Variants in PWWP3A observed in about 807,000 individuals in gnomAD.
PWWP3A encodes PWWP domain-containing DNA repair factor 3A.
PWWP3A carries 53 observed loss-of-function variants against 79.0 expected under a neutral mutation model. That is an observed-to-expected ratio of 0.67 (90% CI 0.54 to 0.84). PWWP3A has a LOEUF of 0.84. Ranked by LOEUF, PWWP3A falls within the 40% of genes least tolerant of loss-of-function variation. The probability of loss-of-function intolerance (pLI) is 0.00; values close to 1 mark genes in which losing one functional copy is unlikely to be tolerated. For synonymous variants in PWWP3A, 443 were observed against 394.4 expected (o/e 1.12, Z -1.46); for missense variants, 973 against 948.0 (o/e 1.03, Z -0.35).
rs8100078 is a variant in PWWP3A, at chr19:1,368,976, G to A, written c.1423-289G>A. 3,036 of 330,868 alleles carry A rather than the reference G, an allele frequency of 9.2e-3. 117 individuals are homozygous for A. The highest frequency in any genetic ancestry group is 0.064 in the African/African-American group (2,733 of 42,894). 20.5% of individuals were successfully genotyped at this position (330,868 alleles called of 1,614,324 possible). A position where few individuals can be genotyped will look rare whatever the true frequency, so the allele number is the denominator to read the frequency against. On this transcript the variant is annotated intron_variant, in intron 9 of 13. Coordinates refer to ENST00000591337, the MANE Select transcript of PWWP3A (RefSeq NM_001369789.1). This position sits in a 1 kb window ranked among gnomAD's most constrained non-coding sequence, Gnocchi z 4.7. The stretch of plus-strand genomic sequence containing the variant: ...TGCGTTCAGATCAGCCCAAGCCATC[G>A]GGTCCCCGGTGCCCACCTGCGTTCA...
intron 4 of PWWP3A, 147 bp from the exon 5 acceptor site, chr19:1,359,989 T>C: frequency 2.7e-6 from 2 of 742,326 alleles, no homozygotes; most frequent in Admixed American, 7.4e-5. Context: ...TGGGAAAATG[T>C]AGGTGAGAAA....
Position 1,356,512 on chromosome 19 carries a change from T to G in PWWP3A, c.57+63T>G, listed in dbSNP as rs1467608491. The G allele has an allele frequency of 5.6e-5, 85 of 1,511,536 alleles. 1 individual carries two copies. Among genetic ancestry groups the G allele is most frequent in the Non-Finnish European group, 7.3e-5 (80 of 1,088,612 alleles). The allele number at this position is 1,511,536 out of a possible 1,614,324, so 93.6% of individuals were successfully genotyped here. ...TGACTTTCGGGTGACAAGTAAAATC[T>G]TGATCAGGAGATACCTAGGATTTGC... On this transcript the variant is annotated intron_variant, in intron 2 of 13. Coordinates refer to ENST00000591337, the MANE Select transcript of PWWP3A (RefSeq NM_001369789.1).
chr19:1,361,163 C>CAG, intron 5 of PWWP3A, 131 bp downstream of exon 5: 3 of 836,518 alleles, frequency 3.6e-6, no homozygotes, highest in Non-Finnish European at 4.9e-6. Context: ...AGACTTAGAG[C>CAG]AGAGACTTCC....
At chr19:1,364,177 T>C (rs761329596) in intron 6 of PWWP3A, 16 of 550,480 alleles carry the variant, frequency 2.9e-5, no homozygotes, top group Non-Finnish European at 3.6e-5. Context: ...GGTTTAGAGT[T>C]AGGAAAGTCG....
At chr19:1,358,310 CTTTT>C in intron 3 of PWWP3A, 80 bp from the exon 4 acceptor site, 10 of 1,274,236 alleles carry the variant, frequency 7.8e-6, no homozygotes, top group Non-Finnish European at 1.1e-5. Context: ...GAAAATAATT[CTTTT>C]GTTATCTAAA....
intron 13 of PWWP3A, among the ~76,000 whole-genome samples, chr19:1,375,269 CCTT>C (rs996392499): frequency 6.7e-6 from 1 of 150,168 alleles, no homozygotes; most frequent in African/African-American, 2.4e-5. Flanking sequence ...ACCATCCTAA[CCTT>C]CTTAAGTGTA....
intron 8 of PWWP3A, among the ~76,000 whole-genome samples, chr19:1,366,708 G>T (rs1019851081): frequency 6.6e-6 from 1 of 152,240 alleles, no homozygotes; most frequent in African/African-American, 2.4e-5. Context: ...GTCCACGCAG[G>T]TGTGCAGACA....
intron 8 of PWWP3A, 50 bp downstream of exon 8, chr19:1,366,431 GC>G (rs751555831): frequency 3.7e-5 from 56 of 1,526,786 alleles, no homozygotes; most frequent in Middle Eastern, 1.7e-4. Flanking sequence ...GGCCAGGCCG[GC>G]CGCTCTCAGA....
rs1271688707 is a variant in PWWP3A at position 1,360,883 on chromosome 19, C to A, written c.962C>A (p.Ala321Glu). The change falls in exon 5 of 14, where the codon GCA becomes GAA. Residue 321 changes from alanine to glutamate, a missense_variant. Transcript: ENST00000591337. This position sits in a 1 kb window ranked among gnomAD's most constrained non-coding sequence, Gnocchi z 4.4. ...GCCGTGCAGCTGGAGCCCATGGCAG[C>A]AGGGGCCGCACCATCCCCCGGGCCG... Reference protein sequence around the residue: ...PPAVQLEPMAAGAAPSPGPGP... With the variant: ...PPAVQLEPMAEGAAPSPGPGP... The A allele has an allele frequency of 6.5e-7, 1 of 1,545,212 alleles. No individual in the cohort carries two copies. The highest frequency in any genetic ancestry group is 8.7e-7 in the Non-Finnish European group (1 of 1,145,136).
chr19:1,360,670 G>A lies in PWWP3A; in HGVS notation c.749G>A (p.Trp250Ter). ...ERDMGSKGGS[W>*]AAPSLPSGVR... Reference sequence around the variant, plus strand: ...GACATGGGGAGCAAAGGAGGCAGCTGGGCAGCCCCGTCCTTGCCCTCCGGG... The same window carrying A: ...GACATGGGGAGCAAAGGAGGCAGCTAGGCAGCCCCGTCCTTGCCCTCCGGG... Residue 250 changes from tryptophan to a stop codon, truncating the protein, a stop_gained, in exon 5 of 14, where the codon TGG becomes TAG. Coordinates refer to ENST00000591337, the MANE Select transcript of PWWP3A (RefSeq NM_001369789.1). LOFTEE classifies it high-confidence loss of function. This position sits in a 1 kb window ranked among gnomAD's most constrained non-coding sequence, Gnocchi z 4.4. The A allele has an allele frequency of 6.2e-7, 1 of 1,613,178 alleles. No individual in the cohort carries two copies. The highest frequency in any genetic ancestry group is 8.5e-7 in the Non-Finnish European group (1 of 1,179,446).
chr19:1,363,132 G>A (rs965697874), intron 6 of PWWP3A, among the ~76,000 whole-genome samples: 1 of 152,248 alleles, frequency 6.6e-6, no homozygotes, highest in African/African-American at 2.4e-5. Context: ...GGATGTCCCC[G>A]GCCAGGAAGC....
rs546627929 is a variant in PWWP3A at position 1,368,720 on chromosome 19, C to T, written c.1423-545C>T. ...GGTGCTGGCCTAGCCTGGCTGCAGA[C>T]GATAGCTCCCAACAAAAACGGCTGT... is the stretch of plus-strand genomic sequence containing the variant. On this transcript the variant is annotated intron_variant, in intron 9 of 13. Transcript: ENST00000591337. The surrounding 1 kb of genome is among the most constrained non-coding windows in gnomAD (Gnocchi z 4.7). 5.9e-5 allele frequency among the ~76,000 whole-genome samples: 9 copies of T among 152,346 alleles called. No individual in the cohort carries two copies. The highest frequency in any genetic ancestry group is 1.9e-4 in the East Asian group (1 of 5,184).
intron 9 of PWWP3A, among the ~76,000 whole-genome samples, chr19:1,367,797 C>T (rs948401860): frequency 6.6e-6 from 1 of 152,230 alleles, no homozygotes; most frequent in Admixed American, 6.5e-5. Flanking sequence ...TCTATTTCCC[C>T]TCTGGAAATA....
In PWWP3A at chr19:1,357,009, G is replaced by A; in HGVS notation, c.58G>A (p.Val20Ile). 6.2e-7 allele frequency: 1 copy of A among 1,611,750 alleles called. No individual in the cohort carries two copies. The highest frequency in any genetic ancestry group is 1.7e-5 in the Admixed American group (1 of 59,472). ...RWEKRLWPAKVLARTATSTKN... is the reference protein window; with the variant it reads ...RWEKRLWPAKILARTATSTKN... ...GGATTTTCTTTTGTTTTAAATGTAG[G>A]TTTTGGCCCGAACCGCGACTTCAAC... Residue 20 changes from valine to isoleucine, a missense_variant and splice_region_variant, in exon 3 of 14, where the codon GTT (valine) becomes ATT (isoleucine). By Grantham distance (29) the Val-to-Ile change is conservative. Transcript: ENST00000591337.
chr19:1,364,213 C>T lies in PWWP3A; in HGVS notation c.1214-296C>T, dbSNP rs7258866. On this transcript the variant is annotated intron_variant, in intron 6 of 13. Transcript: ENST00000591337. Reference sequence around the variant, plus strand: ...CGCACACATAGGACAGAGCCCCAGCCGCCCCTCGTGGCACCCCTCCCATCC... The same window carrying T: ...CGCACACATAGGACAGAGCCCCAGCTGCCCCTCGTGGCACCCCTCCCATCC... The T allele has an allele frequency of 4.0e-3, 2,316 of 582,474 alleles. 13 individuals are homozygous for T. The Middle Eastern group carries it at 0.045, about 11-fold the overall frequency. The allele number at this position is 582,474 out of a possible 1,614,324, so 36.1% of individuals were successfully genotyped here.
At chr19:1,358,203 A>C (rs1269824524) in intron 3 of PWWP3A, 191 bp from the exon 4 acceptor site, 11 of 497,764 alleles carry the variant, frequency 2.2e-5, no homozygotes, top group Non-Finnish European at 3.9e-5. Flanking sequence ...AAAAAAAAAA[A>C]ACCATTCACC....
intron 6 of PWWP3A, chr19:1,364,165 G>A (rs914299129): frequency 2.0e-5 from 11 of 541,872 alleles, no homozygotes; most frequent in Admixed American, 7.6e-5. Context: ...GTCTTCCCGC[G>A]GGGTTTAGAG....
chr19:1,367,090 G>A, intron 8 of PWWP3A, 70 bp from the exon 9 acceptor site: 1 of 1,293,600 alleles, frequency 7.7e-7, no homozygotes, highest in Non-Finnish European at 1.1e-6. Flanking sequence ...CTTAATCAGA[G>A]ACAGGGAAAG....
At chr19:1,361,158 T>TA (rs2082006855) in intron 5 of PWWP3A, 126 bp downstream of exon 5, 1 of 911,870 alleles carries the variant, frequency 1.1e-6, no homozygotes, top group African/African-American at 1.8e-5. Context: ...AAAATAGACT[T>TA]AGAGCAGAGA....
Sources: gnomAD v4.1 joint callset for allele counts (sites outside exome capture counted in the v4.1 genomes callset) on GRCh38, gnomAD v4.1.1 for gene constraint, Gnocchi (gnomAD v3.1) non-coding constraint, MANE v1.5 for transcripts, NCBI Gene and HGNC (gene_info 2026-07-23, HGNC 2026-07-21) for gene names.